Variants in CLCN4 observed in about 807,000 individuals in gnomAD.
CLCN4 encodes the protein H(+)/Cl(-) exchange transporter 4.
Under a neutral mutation model 41.7 loss-of-function variants are expected in CLCN4, and 1 was observed. That is an observed-to-expected ratio of 0.02 (90% CI 0.01 to 0.11). The LOEUF is 0.11. Ranked by LOEUF, CLCN4 falls within the 10% of genes least tolerant of loss-of-function variation. The pLI, the probability that CLCN4 is intolerant of heterozygous loss-of-function variation, is 1.00. For missense variants in CLCN4, 287 were observed against 661.0 expected (o/e 0.43, Z 6.20); for synonymous variants, 277 against 285.8 (o/e 0.97, Z 0.31).
intron 12 of CLCN4, among the ~76,000 whole-genome samples, chrX:10,232,527 A>G (rs1925151506): frequency 8.9e-6 from 1 of 112,012 alleles, no homozygotes; most frequent in South Asian, 3.8e-4. Flanking sequence ...TACAGTGGAG[A>G]TACAGTGAGT....
intron 4 of CLCN4, among the ~76,000 whole-genome samples, chrX:10,193,273 G>A (rs1924015061): frequency 8.9e-6 from 1 of 112,238 alleles, no homozygotes; most frequent in Admixed American, 9.4e-5. Flanking sequence ...GCTGACGGCT[G>A]GGCTATGTAG....
intron 2 of CLCN4, among the ~76,000 whole-genome samples, chrX:10,165,930 G>A (rs1018794465): frequency 8.9e-6 from 1 of 112,147 alleles, no homozygotes; most frequent in Admixed American, 9.4e-5. Context: ...GCACATGAAC[G>A]CGGTTTTGGG....
rs779659668 is a variant in CLCN4, at chrX:10,212,759, G to A, written c.1576+106G>A. Reference sequence around the variant, plus strand: ...TGAACATTTTCTTTACTCAGGATAGGCTGGGTTGTGTGGCTATAACAAGTA... The same window carrying A: ...TGAACATTTTCTTTACTCAGGATAGACTGGGTTGTGTGGCTATAACAAGTA... On this transcript the variant is annotated intron_variant, in intron 10 of 12. Coordinates refer to ENST00000380833, the MANE Select transcript of CLCN4 (RefSeq NM_001830.4). 395 of 765,511 alleles carry A rather than the reference G, an allele frequency of 5.2e-4. 3 individuals carry two copies. In the Middle Eastern group the frequency reaches 0.014, roughly 26 times the overall value. The allele number at this position is 765,511 out of a possible 1,213,427, so 63.1% of individuals were successfully genotyped here.
At chrX:10,159,202 T>C (rs568885034) in intron 2 of CLCN4, among the ~76,000 whole-genome samples, 11 of 112,281 alleles carry the variant, frequency 9.8e-5, no homozygotes, top group Middle Eastern at 4.7e-3. Context: ...AAAAATAAAT[T>C]GCAGCTTCCA....
intron 9 of CLCN4, among the ~76,000 whole-genome samples, chrX:10,211,096 T>G (rs1234029251): frequency 1.9e-5 from 2 of 105,445 alleles, no homozygotes; most frequent in Non-Finnish European, 3.9e-5. Context: ...TGAAACCCCA[T>G]TTCTTCTAAA....
At position 10,237,634 on chromosome X, in the gene CLCN4, GCA is replaced by G. The variant is rs1397900556; in HGVS notation, c.*4053_*4054del. 2.7e-5 allele frequency: 3 copies of G among 111,782 alleles called. No homozygotes were observed. Among genetic ancestry groups the G allele is most frequent in the Non-Finnish European group, 5.6e-5 (3 of 53,206 alleles). The allele number at this position is 111,782 out of a possible 1,213,427, so 9.2% of individuals were successfully genotyped here. On this transcript the variant is annotated 3_prime_UTR_variant, in exon 13 of 13. Coordinates refer to ENST00000380833, the MANE Select transcript of CLCN4 (RefSeq NM_001830.4). ...AACTCTATTTTTAAAAATAAAACAA[GCA>G]CAGAGTCTGCAACAAACATGTAAAT...
rs1924447309 is a variant in CLCN4, at chrX:10,208,307, C to T, written c.1106C>T (p.Pro369Leu). The change falls in exon 9 of 13, where the codon CCG becomes CTG. Residue 369 changes from proline (P) to leucine (L), a missense_variant. By Grantham distance (98) the Pro-to-Leu change is moderately conservative (BLOSUM62 -3). Coordinates refer to ENST00000380833, the MANE Select transcript of CLCN4 (RefSeq NM_001830.4). ...RRKTTRLGKY[P>L]VLEVIVVTAI... is the part of the protein sequence containing the mutation. Reference sequence around the variant, plus strand: ...AAGACCACCAGGCTGGGGAAGTACCCGGTGCTGGAGGTCATTGTGGTGACT... The same window carrying T: ...AAGACCACCAGGCTGGGGAAGTACCTGGTGCTGGAGGTCATTGTGGTGACT... 2.5e-6 allele frequency: 3 copies of T among 1,211,319 alleles called. No homozygotes were observed. Among genetic ancestry groups the T allele is most frequent in the Non-Finnish European group, 2.2e-6 (2 of 895,432 alleles).
rs142162137 is a variant in CLCN4, at chrX:10,173,228, G to A, written c.-11-11794G>A. ...GCCTTAGAAATTCGGCGTCTCAAAT[G>A]CAGTCTTGGGCCACACCCCAGCTCT... On this transcript the variant is annotated intron_variant, in intron 2 of 12. Transcript: ENST00000380833. Among the ~76,000 whole-genome samples, 161 of 111,416 alleles carry A rather than the reference G, an allele frequency of 1.4e-3. 1 individual carries two copies. The highest frequency in any genetic ancestry group is 4.7e-3 in the African/African-American group (143 of 30,601).
At chrX:10,165,676 C>G (rs1019239690) in intron 2 of CLCN4, among the ~76,000 whole-genome samples, 1 of 112,257 alleles carries the variant, frequency 8.9e-6, no homozygotes, top group Non-Finnish European at 1.9e-5. Flanking sequence ...CACTTCCCTT[C>G]TGGGTTGATT....
intron 11 of CLCN4, among the ~76,000 whole-genome samples, chrX:10,219,309 G>A (rs1303586430): frequency 8.9e-6 from 1 of 112,392 alleles, no homozygotes; most frequent in East Asian, 2.8e-4. Flanking sequence ...GACTTTAAGA[G>A]AATCGGCTGG....
At chrX:10,197,527 G>A (rs1345928072) in intron 5 of CLCN4, among the ~76,000 whole-genome samples, 3 of 110,946 alleles carry the variant, frequency 2.7e-5, no homozygotes, top group African/African-American at 3.3e-5. Context: ...GTGCTTGGGC[G>A]TGGCCTTAAT....
chrX:10,200,463 T>C lies in CLCN4; in HGVS notation c.555+2402T>C, dbSNP rs1290674611. On this transcript the variant is annotated intron_variant, in intron 6 of 12. Coordinates refer to ENST00000380833, the MANE Select transcript of CLCN4 (RefSeq NM_001830.4). ...ATTTTGCAAATAAGGAGATGGCCGA[T>C]GGGGAATTGGTGGAAAATAGAAGCA... is the stretch of plus-strand genomic sequence containing the variant. Among the ~76,000 whole-genome samples, 3 of 112,194 alleles carry C rather than the reference T, an allele frequency of 2.7e-5. No homozygotes were observed. In the Admixed American group the frequency reaches 2.8e-4, roughly 11 times the overall value.
chrX:10,203,679 A>C (rs1191822850), intron 6 of CLCN4, among the ~76,000 whole-genome samples: 1 of 111,574 alleles, frequency 9.0e-6, no homozygotes, highest in Non-Finnish European at 1.9e-5. Context: ...TGCATTTTCG[A>C]GTCACCTACA....
chrX:10,223,626 C>T (rs1417166454), intron 12 of CLCN4, among the ~76,000 whole-genome samples: 5 of 111,898 alleles, frequency 4.5e-5, no homozygotes, highest in East Asian at 2.8e-4. Flanking sequence ...TGAGCTCCAC[C>T]GCTGGCCTGG....
Position 10,198,053 on chromosome X carries a change from A to G in CLCN4, c.547A>G (p.Ile183Val). 2 of 1,209,950 alleles carry G rather than the reference A, an allele frequency of 1.7e-6. No homozygotes were observed. Among genetic ancestry groups the G allele is most frequent in the East Asian group, 3.0e-5 (1 of 33,826 alleles). Residue 183 changes from isoleucine to valine, a missense_variant, in exon 6 of 13, where the codon ATA becomes GTA. Physicochemically the swap from Ile to Val is conservative, Grantham distance 29. Around this residue, in one of 6 missense-constraint regions of CLCN4, gnomAD observed 90 missense variants for 209.8 expected, o/e 0.43. Coordinates refer to ENST00000380833, the MANE Select transcript of CLCN4 (RefSeq NM_001830.4). ...TGCACCATATGCCTGTGGCTCTGGC[A>G]TACCAGAGGTGAGTTCTGGCTGATT... ...VFAPYACGSG[I>V]PEIKTILSGF...
rs181682903 is a variant in CLCN4 at position 10,217,985 on chromosome X, C to T, written c.1976-2676C>T. On this transcript the variant is annotated intron_variant, in intron 11 of 12. Transcript: ENST00000380833. ...CTCGAACTCCTGATCTTAAGTGATC[C>T]GCCCACCTCAGCCTCCCAAAGTGCT... is the stretch of plus-strand genomic sequence containing the variant. 4.5e-5 allele frequency among the ~76,000 whole-genome samples: 5 copies of T among 110,968 alleles called. No individual in the cohort carries two copies. In the East Asian group the frequency reaches 1.1e-3, roughly 25 times the overall value.
intron 6 of CLCN4, among the ~76,000 whole-genome samples, chrX:10,206,096 C>G: frequency 8.9e-6 from 1 of 112,074 alleles, no homozygotes; most frequent in Admixed American, 9.4e-5. Flanking sequence ...TGCCATAAAT[C>G]AAGTGAGACC....
At chrX:10,230,734 A>G (rs1051321109) in intron 12 of CLCN4, among the ~76,000 whole-genome samples, 5 of 112,256 alleles carry the variant, frequency 4.5e-5, no homozygotes, top group African/African-American at 1.6e-4. Flanking sequence ...ACAATTGAGC[A>G]AAATATGCAG....
At chrX:10,204,947 T>C (rs1057379527) in intron 6 of CLCN4, among the ~76,000 whole-genome samples, 4 of 111,223 alleles carry the variant, frequency 3.6e-5, no homozygotes, top group Non-Finnish European at 7.5e-5. Flanking sequence ...TAGGGTTGAA[T>C]ACTTATGTGC....
Sources: allele counts gnomAD v4.1 joint callset (sites outside exome capture counted in the v4.1 genomes callset), GRCh38; gene constraint gnomAD v4.1.1; regional missense constraint gnomAD v4.1.1; transcripts MANE v1.5; gene names NCBI Gene and HGNC (gene_info 2026-07-23, HGNC 2026-07-21).